Variants in PTPRD observed in about 807,000 individuals in gnomAD.
PTPRD encodes the protein receptor-type tyrosine-protein phosphatase delta.
Under a neutral mutation model 214.5 loss-of-function variants are expected in PTPRD, and 34 were observed. The observed-to-expected ratio is 0.16, with a 90% CI of 0.12 to 0.21. The LOEUF (loss-of-function observed/expected upper bound fraction) is 0.21, where lower values mean the gene tolerates loss of function less well. Among genes scored for constraint, PTPRD ranks in the 10% least tolerant of loss-of-function variants. The pLI is 1.00. For missense variants in PTPRD, 2,545 were observed against 2,398.7 expected (o/e 1.06, Z -1.27); for synonymous variants, 1,128 against 845.7 (o/e 1.33, Z -5.79).
At chr9:9,720,886 C>T (rs2097924045) in intron 7 of PTPRD, among the ~76,000 whole-genome samples, 1 of 151,994 alleles carries the variant, frequency 6.6e-6, no homozygotes. Context: ...CAAACTAATG[C>T]ACGGACATAT....
At chr9:9,565,338 GGAGA>G (rs1261534477) in intron 8 of PTPRD, among the ~76,000 whole-genome samples, 1 of 151,752 alleles carries the variant, frequency 6.6e-6, no homozygotes, top group East Asian at 1.9e-4. Context: ...ATGTAGAAAT[GGAGA>G]TACACTTCTG....
At chr9:8,327,145 T>A (rs543554127) in intron 44 of PTPRD, among the ~76,000 whole-genome samples, 8 of 151,164 alleles carry the variant, frequency 5.3e-5, no homozygotes, top group African/African-American at 1.5e-4. Flanking sequence ...AGATCTTTCC[T>A]GCTTTCTCTT....
chr9:10,462,171 G>A (rs1329902304), intron 2 of PTPRD, among the ~76,000 whole-genome samples: 2 of 151,456 alleles, frequency 1.3e-5, no homozygotes, highest in Non-Finnish European at 2.9e-5. Flanking sequence ...GTCACAAGGG[G>A]GCAAAAATAA....
At chr9:9,918,370 A>AAAAAAC (rs1555333235) in intron 5 of PTPRD, among the ~76,000 whole-genome samples, 1 of 142,576 alleles carries the variant, frequency 7.0e-6, no homozygotes, top group Non-Finnish European at 1.5e-5. Context: ...AAAAAAAAAA[A>AAAAAAC]CTCCACAATG....
chr9:10,296,640 G>A (rs2095683846), intron 3 of PTPRD, among the ~76,000 whole-genome samples: 1 of 151,984 alleles, frequency 6.6e-6, no homozygotes, highest in Admixed American at 6.6e-5. Context: ...TGTGCAGTGA[G>A]CTGCAAGACC....
intron 7 of PTPRD, among the ~76,000 whole-genome samples, chr9:9,707,902 TTC>T (rs148420825): frequency 0.045 from 6,847 of 152,120 alleles, 218 homozygotes; most frequent in Non-Finnish European, 0.07. Context: ...ACTCATTATT[TTC>T]TCTCTTTCAT....
At chr9:9,245,566 C>A (rs1037423434) in intron 9 of PTPRD, among the ~76,000 whole-genome samples, 2 of 150,074 alleles carry the variant, frequency 1.3e-5, no homozygotes, top group African/African-American at 2.5e-5. Context: ...GGGAATTGAA[C>A]AATGAGAACA....
chr9:10,297,188 A>G (rs1222425568), intron 3 of PTPRD, among the ~76,000 whole-genome samples: 1 of 150,652 alleles, frequency 6.6e-6, no homozygotes, highest in African/African-American at 2.4e-5. Context: ...CAGGTTTGTT[A>G]CATATGTATA....
intron 36 of PTPRD, among the ~76,000 whole-genome samples, chr9:8,391,696 T>A (rs2089628040): frequency 1.3e-5 from 2 of 152,104 alleles, no homozygotes; most frequent in African/African-American, 4.8e-5. Flanking sequence ...TACAGAAAAC[T>A]TTTTTCTAAG....
intron 3 of PTPRD, among the ~76,000 whole-genome samples, chr9:10,262,685 C>G (rs947692831): frequency 4.6e-5 from 7 of 152,174 alleles, no homozygotes; most frequent in African/African-American, 1.4e-4. Flanking sequence ...AGTCACTTTA[C>G]CTCTCTGGGA....
intron 5 of PTPRD, among the ~76,000 whole-genome samples, chr9:9,805,874 A>G (rs952177790): frequency 6.6e-6 from 1 of 152,116 alleles, no homozygotes; most frequent in Non-Finnish European, 1.5e-5. Flanking sequence ...AGACTTCTGT[A>G]AGAAGAACAG....
chr9:10,591,946 G>C (rs1183092018), intron 2 of PTPRD, among the ~76,000 whole-genome samples: 1 of 152,104 alleles, frequency 6.6e-6, no homozygotes, highest in Non-Finnish European at 1.5e-5. Context: ...CTGACAATTT[G>C]ATTGCAGCCT....
At chr9:10,171,862 C>A (rs994765792) in intron 3 of PTPRD, among the ~76,000 whole-genome samples, 1 of 152,074 alleles carries the variant, frequency 6.6e-6, no homozygotes, top group Non-Finnish European at 1.5e-5. Context: ...GGATTAATAA[C>A]CCCCATCATG....
intron 11 of PTPRD, among the ~76,000 whole-genome samples, chr9:8,947,942 G>A (rs1161312624): frequency 6.6e-6 from 1 of 151,496 alleles, no homozygotes; most frequent in Non-Finnish European, 1.5e-5. Flanking sequence ...TCATTGCATC[G>A]AGGTTCAGTG....
intron 8 of PTPRD, among the ~76,000 whole-genome samples, chr9:9,527,898 C>T (rs1448907589): frequency 1.3e-5 from 2 of 152,180 alleles, no homozygotes; most frequent in East Asian, 1.9e-4. Context: ...AACAAAGACT[C>T]TTCTGCCTTA....
chr9:8,320,311 G>T (rs925708416), intron 44 of PTPRD, among the ~76,000 whole-genome samples: 2 of 152,098 alleles, frequency 1.3e-5, no homozygotes, highest in Non-Finnish European at 2.9e-5. Flanking sequence ...TTTACAACCT[G>T]CCTACTTAAT....
chr9:10,336,778 A>G (rs1172833103), intron 3 of PTPRD, among the ~76,000 whole-genome samples: 1 of 151,730 alleles, frequency 6.6e-6, no homozygotes, highest in Non-Finnish European at 1.5e-5. Context: ...CTAAGGGGAC[A>G]CAGGGACTAG....
chr9:9,842,235 T>C (rs1043767472), intron 5 of PTPRD, among the ~76,000 whole-genome samples: 5 of 151,664 alleles, frequency 3.3e-5, no homozygotes, highest in African/African-American at 1.2e-4. Flanking sequence ...GTTGTCTTTT[T>C]AGATTAATTA....
chr9:10,381,701 AC>A (rs1162749978), intron 2 of PTPRD, among the ~76,000 whole-genome samples: 2 of 151,992 alleles, frequency 1.3e-5, no homozygotes, highest in African/African-American at 4.8e-5. Context: ...GTAGTTTACC[AC>A]ATACAAAGTT....
Sources: gnomAD v4.1 joint callset for allele counts (sites outside exome capture counted in the v4.1 genomes callset) on GRCh38, gnomAD v4.1.1 for gene constraint, MANE v1.5 for transcripts, NCBI Gene and HGNC (gene_info 2026-07-23, HGNC 2026-07-21) for gene names.